Variants in FBXW4 observed in about 807,000 individuals in gnomAD.
FBXW4 encodes F-box/WD repeat-containing protein 4.
A neutral mutation model predicts 61.8 loss-of-function variants in FBXW4; 40 were observed. That is an observed-to-expected ratio of 0.65 (90% CI 0.50 to 0.84). The LOEUF is 0.84. Among genes scored for constraint, FBXW4 ranks in the 40% least tolerant of loss-of-function variants. FBXW4 has a pLI of 0.00. For missense variants in FBXW4, 672 were observed against 753.8 expected (o/e 0.89, Z 1.27); for synonymous variants, 311 against 313.8 (o/e 0.99, Z 0.10).
chr10:101,647,651 G>A (rs1450933715), intron 5 of FBXW4, among the ~76,000 whole-genome samples: 2 of 152,198 alleles, frequency 1.3e-5, no homozygotes, highest in African/African-American at 2.4e-5. Flanking sequence ...CATTTCATTG[G>A]AAGCTTCCTT....
At position 101,667,899 on chromosome 10, in the gene FBXW4, T is replaced by C. The variant is rs1262179604; in HGVS notation, c.1222A>G (p.Ser408Gly). ...TGTCTCCCTTACCTGAGTAATGGGCTGATAGCAATGGACCAGACTCGGTCT... is the reference window on the plus strand; with the variant it reads ...TGTCTCCCTTACCTGAGTAATGGGCCGATAGCAATGGACCAGACTCGGTCT... ...TEDRVWSIAI[S>G]PLLSSFVTGT... is the part of the protein sequence containing the mutation. The change falls in exon 5 of 9, where the codon AGC (serine) becomes GGC (glycine). Residue 408 changes from serine (S) to glycine (G), a missense_variant. Coordinates refer to ENST00000331272, the MANE Select transcript of FBXW4 (RefSeq NM_022039.4). 1 of 1,614,124 alleles carries C rather than the reference T, an allele frequency of 6.2e-7. No homozygotes were observed. The highest frequency in any genetic ancestry group is 8.5e-7 in the Non-Finnish European group (1 of 1,179,944).
intron 5 of FBXW4, among the ~76,000 whole-genome samples, chr10:101,637,136 C>A (rs2064009100): frequency 6.6e-6 from 1 of 151,380 alleles, no homozygotes; most frequent in Non-Finnish European, 1.5e-5. Context: ...GCAATCCCAG[C>A]ACTTTGGGAG....
chr10:101,612,414 C>A lies in FBXW4; in HGVS notation c.1365G>T (p.Met455Ile). The A allele has an allele frequency of 2.5e-6, 4 of 1,599,892 alleles. No homozygotes were observed. The highest frequency in any genetic ancestry group is 3.4e-6 in the Non-Finnish European group (4 of 1,172,858). ...FPPGAGVLDV[M>I]YESPFTLLSC... ...ACAGCAGTGTGAAAGGGGACTCATA[C>A]ATGACATCCAGCACCCCAGCCCCTG... Residue 455 changes from methionine to isoleucine, a missense_variant, in exon 7 of 9, where the codon ATG (methionine) becomes ATT (isoleucine). Met to Ile is a conservative substitution (Grantham distance 10). Around this residue, in one of 5 missense-constraint regions of FBXW4, gnomAD observed 312 missense variants for 370.1 expected, o/e 0.84. Coordinates refer to ENST00000331272, the MANE Select transcript of FBXW4 (RefSeq NM_022039.4).
intron 6 of FBXW4, among the ~76,000 whole-genome samples, chr10:101,617,662 C>A (rs1458621466): frequency 6.6e-6 from 1 of 152,140 alleles, no homozygotes. Context: ...GTACTGCTAA[C>A]AAGGGGGCCA....
At chr10:101,672,163 A>G (rs1209374914) in intron 4 of FBXW4, among the ~76,000 whole-genome samples, 1 of 152,166 alleles carries the variant, frequency 6.6e-6, no homozygotes, top group Non-Finnish European at 1.5e-5. Context: ...ACAAGACACT[A>G]TTGGGCCTCC....
At chr10:101,629,443 C>G (rs542101976) in intron 5 of FBXW4, among the ~76,000 whole-genome samples, 1 of 152,244 alleles carries the variant, frequency 6.6e-6, no homozygotes, top group East Asian at 1.9e-4. Flanking sequence ...ACCACCACGC[C>G]TGGCTAATTT....
At position 101,611,046 on chromosome 10, in the gene FBXW4, G is replaced by C; in HGVS notation, c.*245C>G. The C allele has an allele frequency of 2.3e-6, 1 of 429,594 alleles. No homozygotes were observed. Among genetic ancestry groups the C allele is most frequent in the Non-Finnish European group, 4.2e-6 (1 of 238,604 alleles). 26.6% of individuals were successfully genotyped at this position (429,594 alleles called of 1,614,324 possible). On this transcript the variant is annotated 3_prime_UTR_variant, in exon 9 of 9. Transcript: ENST00000331272. The surrounding 1 kb of genome is among the most constrained non-coding windows in gnomAD (Gnocchi z 4.9). ...TGGCCAAACAGGGACGCAAGGCCCG[G>C]GTTCAGCCGCACTCTAAAGCAGCAG...
chr10:101,629,901 G>A (rs2063937766), intron 5 of FBXW4, among the ~76,000 whole-genome samples: 1 of 152,166 alleles, frequency 6.6e-6, no homozygotes, highest in Non-Finnish European at 1.5e-5. Flanking sequence ...CAACTGAGTG[G>A]CTCTGAGGCA....
intron 5 of FBXW4, among the ~76,000 whole-genome samples, chr10:101,630,400 G>A (rs1410702702): frequency 6.6e-6 from 1 of 152,252 alleles, no homozygotes; most frequent in African/African-American, 2.4e-5. Context: ...TGGCACCTGG[G>A]GGCCCCCCGA....
intron 1 of FBXW4, among the ~76,000 whole-genome samples, chr10:101,677,183 T>C (rs988325887): frequency 6.6e-6 from 1 of 152,204 alleles, no homozygotes; most frequent in African/African-American, 2.4e-5. Flanking sequence ...CTCTATGACC[T>C]AGGAATAACC....
intron 1 of FBXW4, among the ~76,000 whole-genome samples, chr10:101,685,442 G>C (rs926696024): frequency 6.6e-6 from 1 of 152,136 alleles, no homozygotes. Context: ...ATTTATTTTT[G>C]TTCAACTAAC....
In FBXW4 at chr10:101,668,077, G is replaced by A. The variant is rs1000935846; in HGVS notation, c.1141-97C>T. 77 of 932,230 alleles carry A rather than the reference G, an allele frequency of 8.3e-5. No homozygotes were observed. In the South Asian group the frequency reaches 9.1e-4, roughly 11 times the overall value. The allele number at this position is 932,230 out of a possible 1,614,324, so 57.7% of individuals were successfully genotyped here. On this transcript the variant is annotated intron_variant, in intron 4 of 8. Coordinates refer to ENST00000331272, the MANE Select transcript of FBXW4 (RefSeq NM_022039.4). Reference sequence around the variant, plus strand: ...AGGTGACTGTTGGAGGTGGAGAAATGGGGAATCCTTTATGCCCTGCACACA... The same window carrying A: ...AGGTGACTGTTGGAGGTGGAGAAATAGGGAATCCTTTATGCCCTGCACACA...
intron 1 of FBXW4, among the ~76,000 whole-genome samples, chr10:101,685,146 T>C (rs531230966): frequency 1.9e-4 from 29 of 152,336 alleles, no homozygotes; most frequent in African/African-American, 6.7e-4. Context: ...TTCTGGGGAC[T>C]AGTCAAATTC....
intron 2 of FBXW4, among the ~76,000 whole-genome samples, chr10:101,675,445 G>A (rs2064398464): frequency 6.6e-6 from 1 of 152,140 alleles, no homozygotes; most frequent in Non-Finnish European, 1.5e-5. Flanking sequence ...GCCCCAAAAG[G>A]CAAATGTGGG....
chr10:101,617,238 C>T (rs140880998), intron 6 of FBXW4, among the ~76,000 whole-genome samples: 203 of 152,278 alleles, frequency 1.3e-3, no homozygotes, highest in African/African-American at 4.0e-3. Context: ...GCAGGGGTCA[C>T]GCACCTAGTA....
At chr10:101,635,598 G>A (rs2063994535) in intron 5 of FBXW4, among the ~76,000 whole-genome samples, 2 of 152,124 alleles carry the variant, frequency 1.3e-5, no homozygotes, top group African/African-American at 4.8e-5. Flanking sequence ...ATTTTGGGAG[G>A]CCAAGGCAGG....
Position 101,694,608 on chromosome 10 carries a change from C to T in FBXW4, c.498G>A (p.Glu166=), listed in dbSNP as rs1379006302. 2.1e-6 allele frequency: 3 copies of T among 1,435,556 alleles called. No homozygotes were observed. The South Asian group carries it at 4.4e-5, about 21-fold the overall frequency. 88.9% of individuals were successfully genotyped at this position (1,435,556 alleles called of 1,614,324 possible). The part of the protein sequence containing the change: ...MAAAAGEEEE[E]EEAARESAAR... ...CAGCCGACTCCCGAGCCGCCTCCTC[C>T]TCCTCCTCCTCCTCCCCGGCCGCCG... Residue 166 remains glutamate (E), a synonymous_variant, in exon 1 of 9, where the codon GAG becomes GAA. Coordinates refer to ENST00000331272, the MANE Select transcript of FBXW4 (RefSeq NM_022039.4). The surrounding 1 kb of genome is among the most constrained non-coding windows in gnomAD (Gnocchi z 6.0).
At position 101,694,821 on chromosome 10, in the gene FBXW4, C is replaced by G. The variant is rs989621577; in HGVS notation, c.285G>C (p.Ala95=). The G allele has an allele frequency of 5.3e-5, 69 of 1,311,598 alleles. No individual in the cohort carries two copies. The highest frequency in any genetic ancestry group is 6.6e-5 in the Non-Finnish European group (68 of 1,034,476). 81.2% of individuals were successfully genotyped at this position (1,311,598 alleles called of 1,614,324 possible). A position where few individuals can be genotyped will look rare whatever the true frequency, so the allele number is the denominator to read the frequency against. Residue 95 remains alanine (A), a synonymous_variant, in exon 1 of 9, where the codon GCG becomes GCC. Coordinates refer to ENST00000331272, the MANE Select transcript of FBXW4 (RefSeq NM_022039.4). The surrounding 1 kb of genome is among the most constrained non-coding windows in gnomAD (Gnocchi z 6.0). ...AEGGRSVEEG[A]RGIVKGVEGS... is the part of the protein sequence containing the mutation. ...CCTCGACTCCCTTGACGATGCCTCT[C>G]GCCCCTTCCTCCACGCTTCTGCCTC...
rs1421763492 is a variant in FBXW4 at position 101,694,539 on chromosome 10, C to G, written c.567G>C (p.Glu189Asp). ...GGTAGGAGCAGATGAGCAGCAGCAG[C>G]TCCTCCGGCAGGCGCCAGAGCGCAG... Reference protein sequence around the residue: ...AGPALWRLPEELLLLICSYLD... With the variant: ...AGPALWRLPEDLLLLICSYLD... The change falls in exon 1 of 9, where the codon GAG becomes GAC. Residue 189 changes from glutamate (E) to aspartate (D), a missense_variant. By Grantham distance (45) the Glu-to-Asp change is conservative (BLOSUM62 2). This residue lies in a region of FBXW4 where 311 missense variants were observed against 301.1 expected (regional missense o/e 1.03). Coordinates refer to ENST00000331272, the MANE Select transcript of FBXW4 (RefSeq NM_022039.4). The surrounding 1 kb of genome is among the most constrained non-coding windows in gnomAD (Gnocchi z 6.0). 1 of 1,495,020 alleles carries G rather than the reference C, an allele frequency of 6.7e-7. No individual in the cohort carries two copies. Among genetic ancestry groups the G allele is most frequent in the Non-Finnish European group, 8.8e-7 (1 of 1,130,528 alleles). The allele number at this position is 1,495,020 out of a possible 1,614,324, so 92.6% of individuals were successfully genotyped here. A position where few individuals can be genotyped will look rare whatever the true frequency, so the allele number is the denominator to read the frequency against.
Sources: gnomAD v4.1 joint callset for allele counts (sites outside exome capture counted in the v4.1 genomes callset) on GRCh38, gnomAD v4.1.1 for gene constraint, gnomAD v4.1.1 regional missense constraint, Gnocchi (gnomAD v3.1) non-coding constraint, MANE v1.5 for transcripts, NCBI Gene and HGNC (gene_info 2026-07-23, HGNC 2026-07-21) for gene names.